Variants in SATB1 observed in about 807,000 individuals in gnomAD.
The protein encoded by SATB1 is SATB homeobox 1.
In SATB1, 11 loss-of-function variants were observed where a neutral mutation model predicts 86.9. That is an observed-to-expected ratio of 0.13 (90% CI 0.08 to 0.21). The LOEUF is 0.21. SATB1 is among the 10% of genes least tolerant of loss of function. SATB1 has a pLI of 1.00. For missense variants in SATB1, 551 were observed against 937.6 expected, an observed-to-expected ratio of 0.59 and a Z score of 5.39; for synonymous variants, 357 against 357.2, an observed-to-expected ratio of 1.00 and a Z score of 0.01.
In SATB1 at chr3:18,346,852, T is replaced by C. The variant is rs1027780225; in HGVS notation, c.*2318A>G. 1 of 152,262 alleles carries C rather than the reference T, an allele frequency of 6.6e-6. No individual in the cohort carries two copies. Among genetic ancestry groups the C allele is most frequent in the Non-Finnish European group, 1.5e-5 (1 of 67,996 alleles). 9.4% of individuals were successfully genotyped at this position (152,262 alleles called of 1,614,324 possible). Reference sequence around the variant, plus strand: ...TAACTTCATGGCATTTGAGTTTCTATTTTATTTCCTATTTTTTAAATACAT... The same window carrying C: ...TAACTTCATGGCATTTGAGTTTCTACTTTATTTCCTATTTTTTAAATACAT... On this transcript the variant is annotated 3_prime_UTR_variant, in exon 11 of 11. Coordinates refer to ENST00000338745, the MANE Select transcript of SATB1 (RefSeq NM_002971.6).
upstream of SATB1, among the ~76,000 whole-genome samples, chr3:18,429,516 A>G (rs1698819958): frequency 6.6e-6 from 1 of 152,208 alleles, no homozygotes; most frequent in South Asian, 2.1e-4. The surrounding 1 kb of genome is among the most constrained non-coding windows in gnomAD (Gnocchi z 4.1). Flanking sequence ...TTAAGATCCT[A>G]CGTCTTAAAC....
At chr3:18,389,677 T>C (rs541516455) in intron 7 of SATB1, among the ~76,000 whole-genome samples, 1 of 152,210 alleles carries the variant, frequency 6.6e-6, no homozygotes, top group South Asian at 2.1e-4. Flanking sequence ...ATTTATGTCA[T>C]AGAATATGCT....
chr3:18,412,121 AT>A (rs952224895), intron 5 of SATB1, among the ~76,000 whole-genome samples: 5 of 152,120 alleles, frequency 3.3e-5, no homozygotes, highest in Admixed American at 3.3e-4. Context: ...GCACTTTAAA[AT>A]TTATTGTCAG....
chr3:18,355,945 T>C (rs776719219), intron 9 of SATB1, among the ~76,000 whole-genome samples: 34 of 152,038 alleles, frequency 2.2e-4, no homozygotes, highest in African/African-American at 7.2e-4. Flanking sequence ...AGTAGCCACA[T>C]GTAAATAAAT....
intron 5 of SATB1, among the ~76,000 whole-genome samples, chr3:18,405,538 A>G (rs1041040963): frequency 6.6e-6 from 1 of 152,038 alleles, no homozygotes; most frequent in Admixed American, 6.6e-5. Context: ...GGAAGACTTT[A>G]TATTACCTCT....
chr3:18,352,570 CTAAGAGGCAGGACAGATTTTAGAAA>C lies in SATB1; in HGVS notation c.1576-400_1576-376del, dbSNP rs1430434278. The C allele has an allele frequency of 4.9e-6, 1 of 204,794 alleles. No individual in the cohort carries two copies. Among genetic ancestry groups the C allele is most frequent in the Non-Finnish European group, 1.0e-5 (1 of 99,268 alleles). 12.7% of individuals were successfully genotyped at this position (204,794 alleles called of 1,614,324 possible). A position where few individuals can be genotyped will look rare whatever the true frequency, so the allele number is the denominator to read the frequency against. Reference sequence around the variant, plus strand: ...TGGCCATCTGAGGATACGGAAGTGCCTAAGAGGCAGGACAGATTTTAGAAATAATTTTTTTCTAAAAGGATTTCCT... The same window carrying C: ...TGGCCATCTGAGGATACGGAAGTGCCTAATTTTTTTCTAAAAGGATTTCCT... On this transcript the variant is annotated intron_variant, in intron 9 of 10. Coordinates refer to ENST00000338745, the MANE Select transcript of SATB1 (RefSeq NM_002971.6). This position sits in a 1 kb window ranked among gnomAD's most constrained non-coding sequence, Gnocchi z 4.1.
At chr3:18,364,447 C>A (rs1695079545) in intron 9 of SATB1, among the ~76,000 whole-genome samples, 1 of 151,664 alleles carries the variant, frequency 6.6e-6, no homozygotes, top group African/African-American at 2.4e-5. Flanking sequence ...CATAATAGGA[C>A]AGGAAAATAT....
intron 9 of SATB1, among the ~76,000 whole-genome samples, chr3:18,364,361 G>T (rs980498764): frequency 6.6e-6 from 1 of 151,972 alleles, no homozygotes; most frequent in East Asian, 1.9e-4. Flanking sequence ...AAATAACAAG[G>T]TTTAGCAACA....
Position 18,349,674 on chromosome 3 carries a change from C to T in SATB1, c.1788G>A (p.Gln596=), listed in dbSNP as rs1195303183. Residue 596 remains glutamine, a synonymous_variant, in exon 11 of 11, where the codon CAG becomes CAA. Transcript: ENST00000338745. This position sits in a 1 kb window ranked among gnomAD's most constrained non-coding sequence, Gnocchi z 5.5. The part of the protein sequence containing the change: ...HVPAEQIQQQ[Q]QQQQQQQQQQ... Reference sequence around the variant, plus strand: ...GCTGCTGCTGCTGTTGCTGTTGCTGCTGCTGTTGCTGCAAAGAAACAAGGA... The same window carrying T: ...GCTGCTGCTGCTGTTGCTGTTGCTGTTGCTGTTGCTGCAAAGAAACAAGGA... 2 of 1,600,762 alleles carry T rather than the reference C, an allele frequency of 1.2e-6. No individual in the cohort carries two copies. The highest frequency in any genetic ancestry group is 8.5e-7 in the Non-Finnish European group (1 of 1,174,106).
At chr3:18,350,137 T>TTTC in intron 10 of SATB1, 1 of 163,386 alleles carries the variant, frequency 6.1e-6, no homozygotes, top group South Asian at 1.8e-4. Flanking sequence ...TTCTGCTCCG[T>TTTC]TTCATTGGAT....
At chr3:18,356,861 C>T (rs1051679520) in intron 9 of SATB1, among the ~76,000 whole-genome samples, 1 of 151,754 alleles carries the variant, frequency 6.6e-6, no homozygotes, top group African/African-American at 2.4e-5. Flanking sequence ...AATGAGAACC[C>T]CTAACAAGGC....
intron 9 of SATB1, among the ~76,000 whole-genome samples, chr3:18,354,051 CTA>C (rs1386039402): frequency 2.0e-5 from 3 of 152,080 alleles, no homozygotes; most frequent in African/African-American, 7.2e-5. Flanking sequence ...CATGGCAATT[CTA>C]TGTTTATTTC....
intron 1 of SATB1, among the ~76,000 whole-genome samples, chr3:18,437,309 G>T (rs574892988): frequency 2.1e-4 from 32 of 149,414 alleles, no homozygotes; most frequent in African/African-American, 7.1e-4. Context: ...ACACTGGAAA[G>T]AAAAAAAAAC....
At chr3:18,388,956 G>A (rs1575126112) in intron 7 of SATB1, among the ~76,000 whole-genome samples, 1 of 152,196 alleles carries the variant, frequency 6.6e-6, no homozygotes, top group South Asian at 2.1e-4. Flanking sequence ...TCTTTCTCAA[G>A]TCTTGCTAAC....
At chr3:18,389,341 A>G (rs1696513867) in intron 7 of SATB1, among the ~76,000 whole-genome samples, 1 of 150,108 alleles carries the variant, frequency 6.7e-6, no homozygotes, top group Non-Finnish European at 1.5e-5. Flanking sequence ...ATATTGTCAG[A>G]AAACATTTTG....
At chr3:18,370,281 TCTAA>T (rs949476215) in intron 9 of SATB1, among the ~76,000 whole-genome samples, 31 of 151,854 alleles carry the variant, frequency 2.0e-4, no homozygotes, top group African/African-American at 5.5e-4. Context: ...AGCCGACAGA[TCTAA>T]CTGTCTTGTC....
At position 18,444,705 on chromosome 3, in the gene SATB1, G is replaced by C. The variant is rs1440558756; in HGVS notation, c.-25+813C>G. On this transcript the variant is annotated intron_variant, in intron 1 of 3. Transcript: ENST00000415069. This position sits in a 1 kb window ranked among gnomAD's most constrained non-coding sequence, Gnocchi z 5.1. The stretch of plus-strand genomic sequence containing the variant: ...CGCGCCGGCGTCGGACTTCCGAGGC[G>C]GCGGCTTCTGCCTCTCCTGCCGCCG... 1.0e-6 allele frequency: 1 copy of C among 968,640 alleles called. No individual in the cohort carries two copies. The highest frequency in any genetic ancestry group is 1.2e-6 in the Non-Finnish European group (1 of 815,284). The allele number at this position is 968,640 out of a possible 1,614,324, so 60.0% of individuals were successfully genotyped here. A position where few individuals can be genotyped will look rare whatever the true frequency, so the allele number is the denominator to read the frequency against.
At chr3:18,419,509 T>G (rs1250800212) in intron 2 of SATB1, among the ~76,000 whole-genome samples, 3 of 152,210 alleles carry the variant, frequency 2.0e-5, no homozygotes, top group Non-Finnish European at 4.4e-5. Context: ...AAGTTTGCTG[T>G]GCAAATATCA....
intron 9 of SATB1, among the ~76,000 whole-genome samples, chr3:18,366,106 C>T (rs985507171): frequency 1.7e-4 from 26 of 152,232 alleles, no homozygotes; most frequent in African/African-American, 6.0e-4. Flanking sequence ...TCAAGTAACA[C>T]CCATGACAAG....
Sources: gnomAD v4.1 joint callset for allele counts (sites outside exome capture counted in the v4.1 genomes callset) on GRCh38, gnomAD v4.1.1 for gene constraint, Gnocchi (gnomAD v3.1) non-coding constraint, MANE v1.5 for transcripts, NCBI Gene and HGNC (gene_info 2026-07-23, HGNC 2026-07-21) for gene names.